BICD1: variants seen among roughly 807,000 people sequenced by gnomAD.
The protein encoded by BICD1 is BICD cargo adaptor 1, also known as protein bicaudal D homolog 1.
Under a neutral mutation model 92.5 loss-of-function variants are expected in BICD1, and 35 were observed. The ratio of observed to expected loss-of-function variants is 0.38; its 90% CI spans 0.29 to 0.50. The LOEUF (loss-of-function observed/expected upper bound fraction) is 0.50, where lower values mean the gene tolerates loss of function less well. Ranked by LOEUF, BICD1 falls within the 20% of genes least tolerant of loss-of-function variation. The pLI, the probability that BICD1 is intolerant of heterozygous loss-of-function variation, is 0.93. For synonymous variants in BICD1, 429 were observed against 465.1 expected, an observed-to-expected ratio of 0.92 and a Z score of 1.00; for missense variants, 950 against 1,189.8, an observed-to-expected ratio of 0.80 and a Z score of 2.97.
At chr12:32,183,469 GT>G (rs1173707139) in intron 1 of BICD1, among the ~76,000 whole-genome samples, 1 of 151,848 alleles carries the variant, frequency 6.6e-6, no homozygotes, top group African/African-American at 2.4e-5. Flanking sequence ...GTTTCACCAT[GT>G]TGGCCAGGCT....
Position 32,327,935 on chromosome 12 carries a change from G to A in BICD1, c.1480G>A (p.Ala494Thr). ...GGAGTTGCAAAAGATGACCAGCATA[G>A]CCAACGAAAATCACAGTACCCTTAA... is the stretch of plus-strand genomic sequence containing the variant. Reference protein sequence around the residue: ...EKELQKMTSIANENHSTLNTA... With the variant: ...EKELQKMTSITNENHSTLNTA... Residue 494 changes from alanine to threonine, a missense_variant, in exon 5 of 10, where the codon GCC becomes ACC. Coordinates refer to ENST00000652176, the MANE Select transcript of BICD1 (RefSeq NM_001714.4). 6.2e-7 allele frequency: 1 copy of A among 1,614,118 alleles called. No individual in the cohort carries two copies. The highest frequency in any genetic ancestry group is 8.5e-7 in the Non-Finnish European group (1 of 1,180,024).
chr12:32,339,769 A>C (rs1272801582), intron 8 of BICD1: 1 of 985,324 alleles, frequency 1.0e-6, no homozygotes, highest in Non-Finnish European at 1.2e-6. Flanking sequence ...GCTTAAAGGC[A>C]GCTGTTATTT....
At chr12:32,359,546 A>G (rs566018510) in intron 8 of BICD1, among the ~76,000 whole-genome samples, 1 of 152,120 alleles carries the variant, frequency 6.6e-6, no homozygotes, top group African/African-American at 2.4e-5. Context: ...CCATTAATCC[A>G]TGAATGGATT....
chr12:32,322,675 T>C lies in BICD1; in HGVS notation c.1006-4786T>C, dbSNP rs187247982. Among the ~76,000 whole-genome samples, 6 of 152,224 alleles carry C rather than the reference T, an allele frequency of 3.9e-5. No individual in the cohort carries two copies. In the East Asian group the frequency reaches 9.7e-4, roughly 25 times the overall value. Reference sequence around the variant, plus strand: ...ACACATGCAAGAGACAGTGTTCTATTTGATGTTTTCTGGAGATGCTATCGT... The same window carrying C: ...ACACATGCAAGAGACAGTGTTCTATCTGATGTTTTCTGGAGATGCTATCGT... On this transcript the variant is annotated intron_variant, in intron 4 of 9. Coordinates refer to ENST00000652176, the MANE Select transcript of BICD1 (RefSeq NM_001714.4).
chr12:32,364,080 T>G (rs796323002), intron 8 of BICD1, among the ~76,000 whole-genome samples: 27 of 152,284 alleles, frequency 1.8e-4, no homozygotes, highest in African/African-American at 6.0e-4. Flanking sequence ...TATGCTTATC[T>G]TCCTTGATAA....
intron 1 of BICD1, among the ~76,000 whole-genome samples, chr12:32,209,209 G>T (rs1404996156): frequency 2.0e-5 from 3 of 152,048 alleles, no homozygotes; most frequent in Non-Finnish European, 4.4e-5. Flanking sequence ...CCTTAATAAG[G>T]ATTTTTATTA....
intron 2 of BICD1, among the ~76,000 whole-genome samples, chr12:32,281,893 G>A (rs1010690246): frequency 1.3e-5 from 2 of 152,094 alleles, no homozygotes; most frequent in African/African-American, 4.8e-5. Context: ...TCTGGATCCT[G>A]GGGATATAGT....
intron 1 of BICD1, among the ~76,000 whole-genome samples, chr12:32,132,218 C>T (rs904182246): frequency 3.9e-4 from 60 of 152,064 alleles, no homozygotes; most frequent in Admixed American, 3.4e-3. Context: ...GAGTTCGAGA[C>T]CAGCTTGACC....
chr12:32,230,393 C>A (rs921135260), intron 2 of BICD1, among the ~76,000 whole-genome samples: 2 of 148,252 alleles, frequency 1.3e-5, no homozygotes, highest in Admixed American at 6.8e-5. Context: ...GAATGAGACC[C>A]TGTCTCAAAT....
chr12:32,121,591 CAAAAATAAAAAT>C (rs55816130), intron 1 of BICD1, among the ~76,000 whole-genome samples: 41 of 138,266 alleles, frequency 3.0e-4, no homozygotes, highest in African/African-American at 6.2e-4. Context: ...GTTCTGTCTC[CAAAAATAAAAAT>C]AAAAATAAAA....
chr12:32,308,852 C>T (rs995445130), intron 4 of BICD1, among the ~76,000 whole-genome samples: 7 of 152,058 alleles, frequency 4.6e-5, no homozygotes, highest in African/African-American at 1.7e-4. Context: ...TGTAGAGGGG[C>T]GCAGGTAGGT....
At chr12:32,139,288 ACT>A (rs1022251336) in intron 1 of BICD1, among the ~76,000 whole-genome samples, 3 of 151,816 alleles carry the variant, frequency 2.0e-5, no homozygotes, top group African/African-American at 7.3e-5. Context: ...ACATGGACTC[ACT>A]CTGTTTCTGT....
chr12:32,247,790 C>G (rs1946428048), intron 2 of BICD1, among the ~76,000 whole-genome samples: 1 of 145,272 alleles, frequency 6.9e-6, no homozygotes, highest in African/African-American at 2.6e-5. Context: ...AAGACTGTCT[C>G]AAAAAAAAAG....
In BICD1 at chr12:32,316,976, G is replaced by A. The variant is rs143746829; in HGVS notation, c.1006-10485G>A. On this transcript the variant is annotated intron_variant, in intron 4 of 9. Coordinates refer to ENST00000652176, the MANE Select transcript of BICD1 (RefSeq NM_001714.4). ...CTGTGTTTGGTTTTTTTGTCCTTGC[G>A]GTAGTTTGCTGAGAATGATGGTTTC... Among the ~76,000 whole-genome samples, 634 of 152,084 alleles carry A rather than the reference G, an allele frequency of 4.2e-3. 5 individuals are homozygous for A. Among genetic ancestry groups the A allele is most frequent in the African/African-American group, 0.014 (599 of 41,470 alleles).
At chr12:32,217,311 T>C (rs1385760649) in intron 2 of BICD1, among the ~76,000 whole-genome samples, 1 of 152,202 alleles carries the variant, frequency 6.6e-6, no homozygotes, top group Non-Finnish European at 1.5e-5. Context: ...AGTTGAGCAT[T>C]TTAGTGATAG....
chr12:32,309,021 C>G (rs914038106), intron 4 of BICD1, among the ~76,000 whole-genome samples: 2 of 152,072 alleles, frequency 1.3e-5, no homozygotes, highest in East Asian at 1.9e-4. Context: ...TTTTAAAAAG[C>G]ATGTCAGCTT....
chr12:32,124,328 T>C (rs1443197368), intron 1 of BICD1, among the ~76,000 whole-genome samples: 1 of 152,214 alleles, frequency 6.6e-6, no homozygotes, highest in African/African-American at 2.4e-5. Flanking sequence ...AATTGTGATA[T>C]TTTACTGGAA....
chr12:32,307,723 G>T (rs1183080807), intron 4 of BICD1, among the ~76,000 whole-genome samples: 2 of 152,142 alleles, frequency 1.3e-5, no homozygotes, highest in Non-Finnish European at 1.5e-5. Flanking sequence ...TTGTTAACAG[G>T]TTTATTTTCT....
At position 32,158,259 on chromosome 12, in the gene BICD1, C is replaced by T. The variant is rs542379307; in HGVS notation, c.213+50715C>T. 2.0e-5 allele frequency among the ~76,000 whole-genome samples: 3 copies of T among 152,132 alleles called. No homozygotes were observed. In the East Asian group the frequency reaches 5.8e-4, roughly 30 times the overall value. The stretch of plus-strand genomic sequence containing the variant: ...TAGCTGGGATTACAGGCGCCCACCC[C>T]CATGCCCGGCTGATTTTTGTACTTT... On this transcript the variant is annotated intron_variant, in intron 1 of 9. Coordinates refer to ENST00000652176, the MANE Select transcript of BICD1 (RefSeq NM_001714.4).
Sources: gnomAD v4.1 joint callset for allele counts (sites outside exome capture counted in the v4.1 genomes callset) on GRCh38, gnomAD v4.1.1 for gene constraint, MANE v1.5 for transcripts, NCBI Gene and HGNC (gene_info 2026-07-23, HGNC 2026-07-21) for gene names.